The following TIAM2 variants were observed in gnomAD, a reference collection of about 807,000 sequenced individuals.
The protein encoded by TIAM2 is TIAM Rac1 associated GEF 2, also known as rho guanine nucleotide exchange factor TIAM2.
A neutral mutation model predicts 152.9 loss-of-function variants in TIAM2; 80 were observed. That is an observed-to-expected ratio of 0.52 (90% CI 0.44 to 0.63). The LOEUF (loss-of-function observed/expected upper bound fraction) is 0.63, where lower values mean the gene tolerates loss of function less well. TIAM2 is among the 30% of genes least tolerant of loss of function. The pLI is 0.00. For missense variants in TIAM2, 1,965 were observed against 2,120.1 expected, an observed-to-expected ratio of 0.93 and a Z score of 1.44; for synonymous variants, 804 against 838.0, an observed-to-expected ratio of 0.96 and a Z score of 0.70.
chr6:155,013,374 T>G (rs1250003297), intron 1 of TIAM2, among the ~76,000 whole-genome samples: 1 of 152,070 alleles, frequency 6.6e-6, no homozygotes, highest in African/African-American at 2.4e-5. Flanking sequence ...AACTCGAAAT[T>G]TGGGAGACGG....
chr6:155,121,417 A>G (rs942413305), intron 2 of TIAM2, among the ~76,000 whole-genome samples: 5 of 152,220 alleles, frequency 3.3e-5, no homozygotes, highest in Non-Finnish European at 7.3e-5. Context: ...TAGTGCAGAT[A>G]TTTTTATCCT....
intron 1 of TIAM2, among the ~76,000 whole-genome samples, chr6:155,030,420 A>G (rs1776801422): frequency 6.6e-6 from 1 of 152,088 alleles, no homozygotes; most frequent in Non-Finnish European, 1.5e-5. Context: ...TGTTACTATG[A>G]TCTCCCGAAG....
At chr6:155,113,404 G>T (rs1778908253) in intron 2 of TIAM2, among the ~76,000 whole-genome samples, 1 of 152,056 alleles carries the variant, frequency 6.6e-6, no homozygotes, top group Non-Finnish European at 1.5e-5. Context: ...TTTTGTCAAA[G>T]TGCTTATCAC....
intron 1 of TIAM2, among the ~76,000 whole-genome samples, chr6:155,076,640 C>T (rs1308525311): frequency 6.6e-6 from 1 of 152,174 alleles, no homozygotes; most frequent in Non-Finnish European, 1.5e-5. Context: ...TAACGTAGGT[C>T]AAACCCTTAG....
chr6:155,256,316 C>G (rs1784021633), intron 26 of TIAM2, 168 bp from the exon 27 acceptor site: 4 of 981,158 alleles, frequency 4.1e-6, no homozygotes, highest in Admixed American at 2.8e-5. Flanking sequence ...CAAAAATGTC[C>G]ATGTTTTCAG....
Position 155,254,580 on chromosome 6 carries a change from A to G in TIAM2, c.4468+7A>G. 1 of 1,608,612 alleles carries G rather than the reference A, an allele frequency of 6.2e-7. No homozygotes were observed. Among genetic ancestry groups the G allele is most frequent in the Non-Finnish European group, 8.5e-7 (1 of 1,175,206 alleles). On this transcript the variant is annotated splice_region_variant and intron_variant, in intron 26 of 26. Coordinates refer to ENST00000682666, the MANE Select transcript of TIAM2 (RefSeq NM_012454.4). ...CCTGTTTCGGCCAAATTAGGTGAGA[A>G]TTTTGCTAGCCTTGTGTTTATTCAA...
At chr6:155,071,837 A>C (rs1777845380) in intron 1 of TIAM2, among the ~76,000 whole-genome samples, 1 of 151,684 alleles carries the variant, frequency 6.6e-6, no homozygotes. Flanking sequence ...TGGAGGTTAC[A>C]GTGAACCGAG....
intron 2 of TIAM2, among the ~76,000 whole-genome samples, chr6:155,109,883 T>C (rs1056184807): frequency 6.6e-6 from 1 of 151,984 alleles, no homozygotes; most frequent in African/African-American, 2.4e-5. Flanking sequence ...GTATCTTAGA[T>C]AATTGATAGA....
chr6:155,142,462 C>T (rs1779732338), intron 5 of TIAM2, among the ~76,000 whole-genome samples: 1 of 152,160 alleles, frequency 6.6e-6, no homozygotes, highest in South Asian at 2.1e-4. Context: ...GTTGGAATTC[C>T]AGTGTTAGGG....
intron 9 of TIAM2, among the ~76,000 whole-genome samples, chr6:155,169,535 GT>G (rs1780527867): frequency 6.6e-6 from 1 of 152,080 alleles, no homozygotes; most frequent in Non-Finnish European, 1.5e-5. Context: ...ACTTACCTTC[GT>G]TTGAGAGTTC....
intron 4 of TIAM2, among the ~76,000 whole-genome samples, chr6:155,135,212 A>T: frequency 6.6e-6 from 1 of 152,146 alleles, no homozygotes; most frequent in East Asian, 1.9e-4. Flanking sequence ...GCAGTTGTTC[A>T]TGGCTCCTGG....
At chr6:155,009,050 T>C (rs141481184) in intron 1 of TIAM2, among the ~76,000 whole-genome samples, 46 of 146,504 alleles carry the variant, frequency 3.1e-4, no homozygotes, top group Non-Finnish European at 4.7e-4. Context: ...TGCTAACGCA[T>C]AAATCTCTGG....
chr6:155,171,988 T>C (rs1359056545), intron 9 of TIAM2, among the ~76,000 whole-genome samples: 1 of 152,178 alleles, frequency 6.6e-6, no homozygotes, highest in African/African-American at 2.4e-5. Context: ...GTGATCCAAG[T>C]AGTAATTACA....
intron 1 of TIAM2, among the ~76,000 whole-genome samples, chr6:155,069,302 C>G (rs1324990295): frequency 6.6e-6 from 1 of 152,092 alleles, no homozygotes; most frequent in Non-Finnish European, 1.5e-5. Flanking sequence ...CCATGTTTCC[C>G]AGGCTGGTCT....
At chr6:155,209,227 G>A (rs980561904) in intron 14 of TIAM2, among the ~76,000 whole-genome samples, 3 of 151,868 alleles carry the variant, frequency 2.0e-5, no homozygotes, top group Non-Finnish European at 2.9e-5. Flanking sequence ...AGCAGCCCGC[G>A]AGAGCATTTC....
rs144077857 is a variant in TIAM2, at chr6:155,165,347, T to C, written c.2299T>C (p.Ser767Pro). 6 of 1,614,158 alleles carry C rather than the reference T, an allele frequency of 3.7e-6. No homozygotes were observed. The highest frequency in any genetic ancestry group is 5.1e-6 in the Non-Finnish European group (6 of 1,180,032). ...RGRNKKGIFS[S>P]LKGLDTLARK... The stretch of plus-strand genomic sequence containing the variant: ...GAGAAACAAGAAGGGAATATTTTCT[T>C]CGTTAAAAGGGCTGGACACACTGGC... Residue 767 changes from serine to proline, a missense_variant, in exon 9 of 27, where the codon TCG (serine) becomes CCG (proline). Physicochemically the swap from Ser to Pro is moderately conservative, Grantham distance 74. Transcript: ENST00000682666.
chr6:155,009,247 G>A (rs184428518), intron 1 of TIAM2, among the ~76,000 whole-genome samples: 1 of 152,010 alleles, frequency 6.6e-6, no homozygotes. Flanking sequence ...GACTACAGCC[G>A]TGAGCCACCA....
chr6:155,083,946 C>T (rs970519411), intron 1 of TIAM2, among the ~76,000 whole-genome samples: 4 of 152,154 alleles, frequency 2.6e-5, no homozygotes, highest in African/African-American at 9.7e-5. Context: ...TTTGGCCCAG[C>T]CCTGGAAATC....
chr6:155,231,899 A>G (rs1253431279), intron 15 of TIAM2, among the ~76,000 whole-genome samples: 1 of 152,146 alleles, frequency 6.6e-6, no homozygotes, highest in Non-Finnish European at 1.5e-5. Flanking sequence ...ACATGATGAA[A>G]CTGAAACCCT....
Sources: gnomAD v4.1 joint callset for allele counts (sites outside exome capture counted in the v4.1 genomes callset) on GRCh38, gnomAD v4.1.1 for gene constraint, MANE v1.5 for transcripts, NCBI Gene and HGNC (gene_info 2026-07-23, HGNC 2026-07-21) for gene names.